The following PEF1 variants were observed in gnomAD, a reference collection of about 807,000 sequenced individuals.
PEF1 encodes penta-EF-hand domain containing 1, also known as peflin.
Under a neutral mutation model 32.0 loss-of-function variants are expected in PEF1, and 17 were observed. The observed-to-expected ratio is 0.53, with a 90% CI of 0.36 to 0.80. The LOEUF (loss-of-function observed/expected upper bound fraction) is 0.80, where lower values mean the gene tolerates loss of function less well. PEF1 is among the 30% of genes least tolerant of loss of function. The probability of loss-of-function intolerance (pLI) is 0.00; values close to 1 mark genes in which losing one functional copy is unlikely to be tolerated. For synonymous variants in PEF1, 130 were observed against 139.8 expected, an observed-to-expected ratio of 0.93 and a Z score of 0.50; for missense variants, 362 against 369.1, an observed-to-expected ratio of 0.98 and a Z score of 0.16.
chr1:31,631,500 C>T (rs1218072135), intron 4 of PEF1, among the ~76,000 whole-genome samples: 2 of 152,154 alleles, frequency 1.3e-5, no homozygotes, highest in African/African-American at 2.4e-5. Context: ...CTTACCAGGC[C>T]AGGCTAAAAC....
At chr1:31,644,759 A>G in intron 1 of PEF1, 82 bp downstream of exon 1, 48 of 1,608,926 alleles carry the variant, frequency 3.0e-5, no homozygotes, top group Non-Finnish European at 3.8e-5. Flanking sequence ...GCGCGGAGAA[A>G]GCGGGGAGAA....
chr1:31,637,969 G>A (rs148401745), intron 1 of PEF1, among the ~76,000 whole-genome samples: 154 of 152,306 alleles, frequency 1.0e-3, no homozygotes, highest in South Asian at 8.3e-4. Flanking sequence ...TGAACTGTGC[G>A]GGGTGGGGTA....
At chr1:31,642,633 G>GA (rs1010844833) in intron 1 of PEF1, among the ~76,000 whole-genome samples, 13 of 149,664 alleles carry the variant, frequency 8.7e-5, no homozygotes, top group Middle Eastern at 3.4e-3. Context: ...GGTATGGTAG[G>GA]AAAAAAAAAC....
At chr1:31,644,617 G>C in intron 1 of PEF1, 1 of 1,442,100 alleles carries the variant, frequency 6.9e-7, no homozygotes, top group Non-Finnish European at 9.1e-7. Flanking sequence ...CCTCGAGTGA[G>C]CGACGTCAAG....
At chr1:31,644,291 C>T in intron 1 of PEF1, 1 of 873,370 alleles carries the variant, frequency 1.1e-6, no homozygotes, top group African/African-American at 1.8e-5. Context: ...TGCCTGGTGA[C>T]TTCAGGTAAG....
chr1:31,638,048 G>T (rs1016958627), intron 1 of PEF1, among the ~76,000 whole-genome samples: 12 of 152,156 alleles, frequency 7.9e-5, no homozygotes, highest in Non-Finnish European at 1.3e-4. Context: ...ACTGTGTAAC[G>T]TCTAACAAAA....
In PEF1 at chr1:31,642,318, G is replaced by A. The variant is rs561135785; in HGVS notation, c.24+2523C>T. Among the ~76,000 whole-genome samples, 12 of 152,308 alleles carry A rather than the reference G, an allele frequency of 7.9e-5. No individual in the cohort carries two copies. In the East Asian group the frequency reaches 2.3e-3, roughly 29 times the overall value. Reference sequence around the variant, plus strand: ...TTGCAACAAACTTCTGCAAGGGAGTGACAAAGCAGGGATTTGAAATCAACT... The same window carrying A: ...TTGCAACAAACTTCTGCAAGGGAGTAACAAAGCAGGGATTTGAAATCAACT... On this transcript the variant is annotated intron_variant, in intron 1 of 4. Transcript: ENST00000373703.
chr1:31,644,753 G>A, intron 1 of PEF1, 88 bp downstream of exon 1: 2 of 1,606,046 alleles, frequency 1.2e-6, no homozygotes, highest in African/African-American at 1.3e-5. Flanking sequence ...GGAAGGGCGC[G>A]GAGAAAGCGG....
chr1:31,633,799 T>C (rs1354374383), intron 2 of PEF1, among the ~76,000 whole-genome samples: 3 of 151,744 alleles, frequency 2.0e-5, no homozygotes, highest in South Asian at 2.1e-4. Flanking sequence ...CTACTAAAAA[T>C]AGAAAATTAG....
rs1640065880 is a variant in PEF1, at chr1:31,630,538, A to C, written c.*75T>G. On this transcript the variant is annotated 3_prime_UTR_variant, in exon 5 of 5. Coordinates refer to ENST00000373703, the MANE Select transcript of PEF1 (RefSeq NM_012392.4). ...TTCTAGAGGGACAGGAAAAGAAGAG[A>C]TGTCCACATACTTCTCTCACTCTAA... is the stretch of plus-strand genomic sequence containing the variant. 1.3e-5 allele frequency: 18 copies of C among 1,355,078 alleles called. 1 individual carries two copies. The South Asian group carries it at 1.7e-4, about 13-fold the overall frequency. The allele number at this position is 1,355,078 out of a possible 1,614,324, so 83.9% of individuals were successfully genotyped here. A position where few individuals can be genotyped will look rare whatever the true frequency, so the allele number is the denominator to read the frequency against.
chr1:31,636,999 G>A (rs1191439616), intron 1 of PEF1, among the ~76,000 whole-genome samples: 35 of 152,288 alleles, frequency 2.3e-4, no homozygotes, highest in African/African-American at 7.9e-4. Context: ...CTCCGAGAAC[G>A]GCACCATCTA....
At chr1:31,639,389 G>A (rs1343877876) in intron 1 of PEF1, among the ~76,000 whole-genome samples, 1 of 152,202 alleles carries the variant, frequency 6.6e-6, no homozygotes, top group Non-Finnish European at 1.5e-5. Flanking sequence ...CTCCCCAGGG[G>A]CAGACACTGC....
At position 31,637,525 on chromosome 1, in the gene PEF1, G is replaced by A. The variant is rs114054710; in HGVS notation, c.25-2003C>T. Among the ~76,000 whole-genome samples the A allele has an allele frequency of 9.0e-3, 1,363 of 151,664 alleles. 21 individuals are homozygous for A. The highest frequency in any genetic ancestry group is 0.011 in the Non-Finnish European group (730 of 67,936). ...AGCCGGGCATGGTGGTACACATGTA[G>A]TCCCTGCTACTCGGGAGGCTAAAGC... On this transcript the variant is annotated intron_variant, in intron 1 of 4. Transcript: ENST00000373703.
intron 2 of PEF1, 136 bp downstream of exon 2, chr1:31,635,086 T>A: frequency 9.3e-7 from 1 of 1,073,256 alleles, no homozygotes. Flanking sequence ...ATTTTGAGGA[T>A]ACACACTGAA....
At chr1:31,633,088 C>T (rs1640157719) in intron 3 of PEF1, 71 bp downstream of exon 3, 2 of 1,515,122 alleles carry the variant, frequency 1.3e-6, no homozygotes, top group Admixed American at 4.0e-5. Context: ...CACCCACCCA[C>T]CTACCCACCT....
intron 1 of PEF1, among the ~76,000 whole-genome samples, chr1:31,640,631 C>T (rs1392990894): frequency 6.6e-6 from 1 of 152,116 alleles, no homozygotes; most frequent in Admixed American, 6.5e-5. Flanking sequence ...GGAAGACACC[C>T]CAAAGACTCT....
At chr1:31,639,638 T>C (rs542539629) in intron 1 of PEF1, among the ~76,000 whole-genome samples, 11 of 152,078 alleles carry the variant, frequency 7.2e-5, no homozygotes, top group African/African-American at 2.4e-5. Flanking sequence ...GCCCAGGTGC[T>C]GGGCAGGCAG....
chr1:31,633,397 A>G, intron 2 of PEF1, 83 bp from the exon 3 acceptor site: 2 of 1,405,912 alleles, frequency 1.4e-6, no homozygotes, highest in Non-Finnish European at 1.9e-6. Context: ...GGTTTCTCCT[A>G]CACACGAAGC....
chr1:31,641,833 G>A lies in PEF1; in HGVS notation c.24+3008C>T, dbSNP rs12402191. Among the ~76,000 whole-genome samples the A allele has an allele frequency of 4.5e-3, 686 of 152,278 alleles. 19 individuals are homozygous for A. The East Asian group carries it at 0.062, about 14-fold the overall frequency. Reference sequence around the variant, plus strand: ...CATAACTGCATTACTCCTCCACTTGGAGTATTCTACATGCCCAACACCATA... The same window carrying A: ...CATAACTGCATTACTCCTCCACTTGAAGTATTCTACATGCCCAACACCATA... On this transcript the variant is annotated intron_variant, in intron 1 of 4. Coordinates refer to ENST00000373703, the MANE Select transcript of PEF1 (RefSeq NM_012392.4).
Sources: gnomAD v4.1 joint callset for allele counts (sites outside exome capture counted in the v4.1 genomes callset) on GRCh38, gnomAD v4.1.1 for gene constraint, MANE v1.5 for transcripts, NCBI Gene and HGNC (gene_info 2026-07-23, HGNC 2026-07-21) for gene names.